MCF2: variants seen among roughly 807,000 people sequenced by gnomAD.
MCF2 encodes the protein proto-oncogene DBL.
MCF2 carries 44 observed loss-of-function variants against 82.5 expected under a neutral mutation model. The observed-to-expected ratio is 0.53, with a 90% confidence interval of 0.42 to 0.69. The LOEUF is 0.69. Ranked by LOEUF, MCF2 falls within the 30% of genes least tolerant of loss-of-function variation. The pLI, the probability that MCF2 is intolerant of heterozygous loss-of-function variation, is 0.00. For missense variants in MCF2, 623 were observed against 663.1 expected, an observed-to-expected ratio of 0.94 and a Z score of 0.66; for synonymous variants, 217 against 224.9, an observed-to-expected ratio of 0.96 and a Z score of 0.32.
intron 15 of MCF2, among the ~76,000 whole-genome samples, chrX:139,603,365 T>C (rs780029828): frequency 8.9e-6 from 1 of 112,427 alleles, no homozygotes; most frequent in South Asian, 3.7e-4. Context: ...CTAAGGGCTG[T>C]CCATTAAGTT....
At chrX:139,643,188 A>C (rs920943791), upstream of MCF2, among the ~76,000 whole-genome samples, 2 of 111,846 alleles carry the variant, frequency 1.8e-5, no homozygotes, top group Non-Finnish European at 3.8e-5. Context: ...GTATAACTAA[A>C]ATAAAGTCTC....
intron 19 of MCF2, among the ~76,000 whole-genome samples, 186 bp from the exon 24 acceptor site, chrX:139,590,113 T>G (rs1219691152): frequency 1.8e-5 from 2 of 111,768 alleles, no homozygotes; most frequent in African/African-American, 6.5e-5. Flanking sequence ...TTCATTGAAC[T>G]ATGCACTTTA....
chrX:139,634,091 C>T (rs1010503932), intron 1 of MCF2, among the ~76,000 whole-genome samples: 25 of 111,290 alleles, frequency 2.2e-4, no homozygotes, highest in African/African-American at 8.2e-4. Flanking sequence ...AGCAGGACAT[C>T]CAGATGATGT....
chrX:139,653,935 G>T (rs1934113994), intron 1 of MCF2, among the ~76,000 whole-genome samples: 1 of 110,372 alleles, frequency 9.1e-6, no homozygotes, highest in South Asian at 3.9e-4. Context: ...TAACATAATT[G>T]CCACCATTTC....
intron 1 of MCF2, among the ~76,000 whole-genome samples, chrX:139,669,761 G>A (rs1265128058): frequency 9.0e-6 from 1 of 111,689 alleles, no homozygotes; most frequent in Non-Finnish European, 1.9e-5. Flanking sequence ...GATGAATCCT[G>A]AAAAAAACAC....
At chrX:139,622,744 G>A (rs923594092) in intron 6 of MCF2, among the ~76,000 whole-genome samples, 4 of 108,344 alleles carry the variant, frequency 3.7e-5, no homozygotes, top group Admixed American at 2.0e-4. Flanking sequence ...GGTGGGGGGC[G>A]AGGGGAGGGA....
intron 1 of MCF2, among the ~76,000 whole-genome samples, chrX:139,680,634 C>T (rs1335505249): frequency 9.0e-6 from 1 of 111,457 alleles, no homozygotes; most frequent in African/African-American, 3.3e-5. Flanking sequence ...TTACATTAAC[C>T]CCTATTTAAT....
chrX:139,598,718 C>T (rs1461182064), intron 16 of MCF2, among the ~76,000 whole-genome samples: 1 of 111,735 alleles, frequency 8.9e-6, no homozygotes, highest in African/African-American at 3.2e-5. Context: ...ACAATTTCAA[C>T]ATTTCAAAGA....
At chrX:139,685,729 T>G (rs1049135448) in intron 1 of MCF2, among the ~76,000 whole-genome samples, 2 of 111,074 alleles carry the variant, frequency 1.8e-5, no homozygotes, top group Admixed American at 1.9e-4. Context: ...CCCTAAATAC[T>G]CCTCCAAAAT....
At chrX:139,695,094 G>T (rs746984723) in intron 1 of MCF2, among the ~76,000 whole-genome samples, 1 of 106,657 alleles carries the variant, frequency 9.4e-6, no homozygotes, top group South Asian at 4.2e-4. Flanking sequence ...GCAGTGGCAC[G>T]ATTTCAGCTC....
chrX:139,694,482 G>T (rs1935341809), intron 1 of MCF2, among the ~76,000 whole-genome samples: 1 of 109,405 alleles, frequency 9.1e-6, no homozygotes, highest in African/African-American at 3.3e-5. Flanking sequence ...TCAAATCAGT[G>T]TGATACTAAT....
chrX:139,606,560 T>C (rs1293055689), intron 12 of MCF2, among the ~76,000 whole-genome samples: 1 of 111,162 alleles, frequency 9.0e-6, no homozygotes, highest in African/African-American at 3.3e-5. Flanking sequence ...GGTTTCACCA[T>C]GTTTGTCAGG....
intron 1 of MCF2, among the ~76,000 whole-genome samples, chrX:139,637,921 G>A (rs369841397): frequency 2.3e-4 from 26 of 111,503 alleles, no homozygotes; most frequent in African/African-American, 7.5e-4. Flanking sequence ...GATGGCAGAG[G>A]TCAAAGTGAT....
Position 139,630,268 on chromosome X carries a change from T to C in MCF2, c.289-424A>G, listed in dbSNP as rs1188140597. On this transcript the variant is annotated intron_variant, in intron 3 of 24. Transcript: ENST00000370576. Reference sequence around the variant, plus strand: ...GAACAGTAAAGTCACTTTATATTTGTTTATTATCATTTGTGAATAAGCATT... The same window carrying C: ...GAACAGTAAAGTCACTTTATATTTGCTTATTATCATTTGTGAATAAGCATT... Among the ~76,000 whole-genome samples, 4 of 111,782 alleles carry C rather than the reference T, an allele frequency of 3.6e-5. No homozygotes were observed. In the Admixed American group the frequency reaches 3.8e-4, roughly 11 times the overall value.
intron 6 of MCF2, among the ~76,000 whole-genome samples, chrX:139,621,863 G>A (rs1335384972): frequency 9.0e-6 from 1 of 110,948 alleles, no homozygotes. Flanking sequence ...GGCAACAAAA[G>A]CCAAAATTGA....
At chrX:139,701,075 G>C (rs1935484967) in intron 1 of MCF2, among the ~76,000 whole-genome samples, 1 of 112,051 alleles carries the variant, frequency 8.9e-6, no homozygotes, top group African/African-American at 3.2e-5. Context: ...AGGGAGTAGA[G>C]ACTTTTCAGG....
In MCF2 at chrX:139,618,506, C is replaced by A. The variant is rs112783607; in HGVS notation, c.808-802G>T. ...TATGTGTTTTTACCACAATTAGAAA[C>A]GAAAAATTATTAAATGGAAAAAAAT... On this transcript the variant is annotated intron_variant, in intron 7 of 24. Transcript: ENST00000370576. Among the ~76,000 whole-genome samples, 352 of 110,849 alleles carry A rather than the reference C, an allele frequency of 3.2e-3. 1 individual carries two copies. Among genetic ancestry groups the A allele is most frequent in the Middle Eastern group, 0.014 (3 of 216 alleles).
At chrX:139,636,943 C>T (rs1281141384) in intron 1 of MCF2, among the ~76,000 whole-genome samples, 2 of 111,408 alleles carry the variant, frequency 1.8e-5, no homozygotes, top group Admixed American at 9.6e-5. Flanking sequence ...TAAGTAAAAC[C>T]TTCTGATTAT....
chrX:139,619,064 T>C (rs1214574451), intron 7 of MCF2, among the ~76,000 whole-genome samples: 1 of 111,324 alleles, frequency 9.0e-6, no homozygotes, highest in African/African-American at 3.3e-5. Context: ...ACTGCATATA[T>C]CCTAAAGTGG....
Sources: gnomAD v4.1 joint callset for allele counts (sites outside exome capture counted in the v4.1 genomes callset) on GRCh38, gnomAD v4.1.1 for gene constraint, MANE v1.5 for transcripts, NCBI Gene and HGNC (gene_info 2026-07-23, HGNC 2026-07-21) for gene names.